The following ROS1 variants were observed in gnomAD, a reference collection of about 807,000 sequenced individuals.
The protein encoded by ROS1 is ROS proto-oncogene 1, receptor tyrosine kinase.
A neutral mutation model predicts 273.5 loss-of-function variants in ROS1; 263 were observed. That is an observed-to-expected ratio of 0.96 (90% confidence interval 0.87 to 1.06). The LOEUF (loss-of-function observed/expected upper bound fraction) is 1.06. ROS1 is among the 50% of genes least tolerant of loss of function. The pLI, the probability that ROS1 is intolerant of heterozygous loss-of-function variation, is 0.00. For synonymous variants in ROS1, 1,008 were observed against 954.1 expected (o/e 1.06, Z -1.04); for missense variants, 2,833 against 2,751.1 (o/e 1.03, Z -0.67).
Position 117,356,689 on chromosome 6 carries a change from A to G in ROS1, c.4066T>C (p.Trp1356Arg). The G allele has an allele frequency of 6.2e-7, 1 of 1,614,190 alleles. No homozygotes were observed. The highest frequency in any genetic ancestry group is 8.5e-7 in the Non-Finnish European group (1 of 1,180,024). The change falls in exon 26 of 44, where the codon TGG (tryptophan) becomes CGG (arginine). Residue 1356 changes from tryptophan to arginine, a missense_variant. Physicochemically the swap from Trp to Arg is moderately radical, Grantham distance 101. Transcript: ENST00000368507. ...LIYFAKAQEI[W>R]AMDLEGCQCW... is the part of the protein sequence containing the mutation. Reference sequence around the variant, plus strand: ...TGACAGCCTTCCAGATCCATTGCCCAGATCTCTTGTGCTTTGGCAAAGTAT... The same window carrying G: ...TGACAGCCTTCCAGATCCATTGCCCGGATCTCTTGTGCTTTGGCAAAGTAT...
chr6:117,341,489 C>G lies in ROS1; in HGVS notation c.4795G>C (p.Glu1599Gln), dbSNP rs547983474. ...LAISHLALIP[E>Q]TPLRQSEFPN... ...AATTCACTTTGTCTTAGAGGAGTTT[C>G]AGGAATTAGGGCCAGGTGTGAGATT... The change falls in exon 30 of 44, where the codon GAA becomes CAA. Residue 1599 changes from glutamate (E) to glutamine (Q), a missense_variant. Glu to Gln is a conservative substitution (Grantham distance 29). Coordinates refer to ENST00000368507, the MANE Select transcript of ROS1 (RefSeq NM_001378902.1). 2.7e-5 allele frequency: 43 copies of G among 1,613,798 alleles called. No individual in the cohort carries two copies. In the East Asian group the frequency reaches 8.7e-4, roughly 33 times the overall value.
intron 18 of ROS1, among the ~76,000 whole-genome samples, chr6:117,367,369 T>C (rs1216496211): frequency 6.6e-6 from 1 of 152,206 alleles, no homozygotes; most frequent in Non-Finnish European, 1.5e-5. Context: ...AGCTCTTAAA[T>C]GTGGTAGCCA....
intron 28 of ROS1, among the ~76,000 whole-genome samples, chr6:117,342,863 C>T (rs1778054096): frequency 6.6e-6 from 1 of 152,072 alleles, no homozygotes. Context: ...TGGTAGAAAA[C>T]ATGTGACACA....
In ROS1 at chr6:117,373,827, G is replaced by A. The variant is rs138646890; in HGVS notation, c.2582+5232C>T. ...GAGAGTGAGCGAGGGCTGCTAGCAC[G>A]TTGTCACCTCTCAGCACTGCTATAT... On this transcript the variant is annotated intron_variant, in intron 18 of 43. Coordinates refer to ENST00000368507, the MANE Select transcript of ROS1 (RefSeq NM_001378902.1). Among the ~76,000 whole-genome samples the A allele has an allele frequency of 3.0e-3, 457 of 152,346 alleles. 6 individuals carry two copies. The highest frequency in any genetic ancestry group is 0.025 in the South Asian group (120 of 4,830).
At position 117,288,505 on chromosome 6, in the gene ROS1, T is replaced by A; in HGVS notation, c.7013A>T (p.Asp2338Val). The change falls in exon 44 of 44, where the codon GAT becomes GTT. Residue 2338 changes from aspartate (D) to valine (V), a missense_variant. Coordinates refer to ENST00000368507, the MANE Select transcript of ROS1 (RefSeq NM_001378902.1). ...CAAACAACGCTATTAATCAGACCCA[T>A]CTCCATATCCACTGTGAGTGAGACA... ...YACLTHSGYGDGSD is the reference protein window; with the variant it reads ...YACLTHSGYGVGSD The A allele has an allele frequency of 6.2e-7, 1 of 1,612,624 alleles. No individual in the cohort carries two copies. Among genetic ancestry groups the A allele is most frequent in the Non-Finnish European group, 8.5e-7 (1 of 1,179,548 alleles).
rs2128558923 is a variant in ROS1 at position 117,319,949 on chromosome 6, A to T, written c.5841T>A (p.Ser1947Arg). 1 of 1,613,458 alleles carries T rather than the reference A, an allele frequency of 6.2e-7. No individual in the cohort carries two copies. The highest frequency in any genetic ancestry group is 1.1e-5 in the South Asian group (1 of 91,060). The change falls in exon 37 of 44, where the codon AGT becomes AGA. Residue 1947 changes from serine (S) to arginine (R), a missense_variant. Transcript: ENST00000368507. ...EKLTLRLLLG[S>R]GAFGEVYEGT... Reference sequence around the variant, plus strand: ...CTTCATACACTTCTCCAAAGGCTCCACTTCCCAGCAAGAGACGCAGAGTCA... The same window carrying T: ...CTTCATACACTTCTCCAAAGGCTCCTCTTCCCAGCAAGAGACGCAGAGTCA...
In ROS1 at chr6:117,371,261, A is replaced by G. The variant is rs117214346; in HGVS notation, c.2583-4971T>C. 1.4e-4 allele frequency among the ~76,000 whole-genome samples: 22 copies of G among 152,332 alleles called. No individual in the cohort carries two copies. The East Asian group carries it at 4.2e-3, about 29-fold the overall frequency. ...GAGATAGCCAAAAAACTGAGTGCCC[A>G]AAGTGTGATATGGGGAGTGTCCACC... On this transcript the variant is annotated intron_variant, in intron 18 of 43. Coordinates refer to ENST00000368507, the MANE Select transcript of ROS1 (RefSeq NM_001378902.1).
chr6:117,341,289 T>A lies in ROS1; in HGVS notation c.4907A>T (p.Glu1636Val). The A allele has an allele frequency of 1.9e-6, 3 of 1,613,284 alleles. No homozygotes were observed. Among genetic ancestry groups the A allele is most frequent in the Non-Finnish European group, 2.5e-6 (3 of 1,179,608 alleles). Residue 1636 changes from glutamate (E) to valine (V), a missense_variant, in exon 31 of 44, where the codon GAA becomes GTA. Physicochemically the swap from Glu to Val is moderately radical, Grantham distance 121 (BLOSUM62 -2). Transcript: ENST00000368507. ...VLKVLACHSE[E>V]MWCTESHPVT... ...AGGATGACTCTCTGTACACCACATT[T>A]CCTCAGAGTGGCAGGCAAGAACCTT...
chr6:117,326,108 T>C, intron 34 of ROS1, 116 bp downstream of exon 34: 1 of 222,890 alleles, frequency 4.5e-6, no homozygotes, highest in Non-Finnish European at 8.0e-6. Flanking sequence ...TATATATATA[T>C]ATATATATAT....
intron 15 of ROS1, among the ~76,000 whole-genome samples, chr6:117,386,519 C>G (rs1012665624): frequency 2.0e-5 from 3 of 152,216 alleles, no homozygotes; most frequent in South Asian, 2.1e-4. Context: ...GAACTCTATG[C>G]AGCAGTTTCT....
intron 5 of ROS1, among the ~76,000 whole-genome samples, chr6:117,405,940 T>C (rs1774363750): frequency 6.6e-6 from 1 of 152,218 alleles, no homozygotes; most frequent in Non-Finnish European, 1.5e-5. Flanking sequence ...CAAAAGGAGC[T>C]AATACATATT....
At chr6:117,329,220 C>A (rs1206727058) in intron 33 of ROS1, 109 bp downstream of exon 33, 6 of 654,150 alleles carry the variant, frequency 9.2e-6, no homozygotes, top group African/African-American at 7.2e-5. Context: ...AACTAAAGAT[C>A]TTTGTGTTTG....
At chr6:117,377,986 C>T (rs985386403) in intron 18 of ROS1, among the ~76,000 whole-genome samples, 3 of 152,072 alleles carry the variant, frequency 2.0e-5, no homozygotes, top group African/African-American at 7.2e-5. Flanking sequence ...TTTACTGCTT[C>T]CCACACCAAA....
chr6:117,375,365 C>T (rs1053937143), intron 18 of ROS1, among the ~76,000 whole-genome samples: 4 of 152,096 alleles, frequency 2.6e-5, no homozygotes, highest in Admixed American at 2.0e-4. Context: ...GATGGGTTTA[C>T]CAAAATTTCA....
chr6:117,406,028 C>T (rs867527836), intron 5 of ROS1, among the ~76,000 whole-genome samples: 1 of 152,090 alleles, frequency 6.6e-6, no homozygotes, highest in Non-Finnish European at 1.5e-5. Context: ...TGGCTCATGC[C>T]TAGCTACTCA....
chr6:117,343,976 A>C, intron 28 of ROS1, 84 bp downstream of exon 28: 1 of 1,175,014 alleles, frequency 8.5e-7, no homozygotes, highest in Non-Finnish European at 1.2e-6. Flanking sequence ...CAGAACATAT[A>C]GGAAATACTT....
chr6:117,359,046 G>T (rs907661162), intron 24 of ROS1, among the ~76,000 whole-genome samples: 2 of 151,994 alleles, frequency 1.3e-5, no homozygotes, highest in African/African-American at 4.8e-5. Flanking sequence ...TTATGCTCAG[G>T]CTCCCACCTC....
At chr6:117,334,686 C>A (rs2128609570) in intron 32 of ROS1, among the ~76,000 whole-genome samples, 1 of 152,238 alleles carries the variant, frequency 6.6e-6, no homozygotes, top group South Asian at 2.1e-4. Context: ...GAAATTACAC[C>A]ACACATCTAC....
intron 20 of ROS1, among the ~76,000 whole-genome samples, 177 bp from the exon 21 acceptor site, chr6:117,365,381 A>G (rs1252987673): frequency 2.0e-5 from 3 of 152,198 alleles, no homozygotes; most frequent in African/African-American, 4.8e-5. Context: ...AAGTGTATCC[A>G]GCACAGCAGT....
Sources: allele counts gnomAD v4.1 joint callset (sites outside exome capture counted in the v4.1 genomes callset), GRCh38; gene constraint gnomAD v4.1.1; transcripts MANE v1.5; gene names NCBI Gene and HGNC (gene_info 2026-07-23, HGNC 2026-07-21).